CD1D: variants seen among roughly 807,000 people sequenced by gnomAD.
CD1D encodes antigen-presenting glycoprotein CD1d.
Under a neutral mutation model 42.1 loss-of-function variants are expected in CD1D, and 40 were observed. The ratio of observed to expected loss-of-function variants is 0.95; its 90% CI spans 0.74 to 1.24. The LOEUF (loss-of-function observed/expected upper bound fraction) is 1.24. Among genes scored for constraint, CD1D ranks in the 50% most tolerant of loss-of-function variants. The pLI is 0.00. For synonymous variants in CD1D, 178 were observed against 171.8 expected, an observed-to-expected ratio of 1.04 and a Z score of -0.28; for missense variants, 437 against 416.5, an observed-to-expected ratio of 1.05 and a Z score of -0.43.
chr1:158,180,982 G>C lies in CD1D; in HGVS notation c.-120G>C, dbSNP rs1648364988. On this transcript the variant is annotated 5_prime_UTR_variant, in exon 1 of 6. Transcript: ENST00000674085. The stretch of plus-strand genomic sequence containing the variant: ...CAGCGAGGAGGGCTGCCGGGGTCTG[G>C]GCTTGGGAATTGGCTGGCACCCAGC... The C allele has an allele frequency of 1.1e-6, 1 of 932,658 alleles. No individual in the cohort carries two copies. Among genetic ancestry groups the C allele is most frequent in the Non-Finnish European group, 1.5e-6 (1 of 654,088 alleles). 57.8% of individuals were successfully genotyped at this position (932,658 alleles called of 1,614,324 possible).
At position 158,186,409 on chromosome 1, in the gene CD1D, G is replaced by T. The variant is rs1010285959; in HGVS notation, c.*2259G>T. ...AATTTTAATTTATTTAGAAAATAAA[G>T]GCTTATCTCTCCAGGAAATTTTTTC... On this transcript the variant is annotated 3_prime_UTR_variant, in exon 6 of 6. Transcript: ENST00000674085. Among the ~76,000 whole-genome samples the T allele has an allele frequency of 6.6e-6, 1 of 152,124 alleles. No individual in the cohort carries two copies. The highest frequency in any genetic ancestry group is 2.4e-5 in the African/African-American group (1 of 41,412).
rs1263341717 is a variant in CD1D, at chr1:158,182,298, C to T, written c.595C>T (p.Leu199=). ...CCTCCTTGAGTCAGGGAAGTCGGAA[C>T]TGAAGAAGCAAGGTCAGCCTGCCTT... ...SGLLESGKSE[L]KKQVKPKAWL... Residue 199 remains leucine (L), a synonymous_variant, in exon 3 of 6, where the codon CTG becomes TTG. Coordinates refer to ENST00000674085, the MANE Select transcript of CD1D (RefSeq NM_001371762.2). 6.2e-7 allele frequency: 1 copy of T among 1,614,176 alleles called. No individual in the cohort carries two copies. Among genetic ancestry groups the T allele is most frequent in the East Asian group, 2.2e-5 (1 of 44,890 alleles).
intron 3 of CD1D, 67 bp downstream of exon 3, chr1:158,182,377 G>T (rs567062811): frequency 1.3e-6 from 2 of 1,562,050 alleles, no homozygotes; most frequent in Admixed American, 1.7e-5. Context: ...CCATTCCAGG[G>T]TTCTCATCCC....
rs1265748379 is a variant in CD1D at position 158,181,167 on chromosome 1, GTGGA to G, written c.61+6_61+9del. 1 of 1,550,026 alleles carries G rather than the reference GTGGA, an allele frequency of 6.5e-7. No homozygotes were observed. Among genetic ancestry groups the G allele is most frequent in the East Asian group, 2.4e-5 (1 of 40,958 alleles). On this transcript the variant is annotated splice_donor_region_variant and intron_variant, in intron 1 of 5. Coordinates refer to ENST00000674085, the MANE Select transcript of CD1D (RefSeq NM_001371762.2). ...AGGCTTGGGGAAGCGCTGAAGGTGG[GTGGA>G]ACGAGGGCGCTTGAGTGCACTCGCG...
chr1:158,181,278 C>G (rs1196678391), intron 1 of CD1D, 116 bp downstream of exon 1: 2 of 1,428,532 alleles, frequency 1.4e-6, no homozygotes. Context: ...CGCACTGGCG[C>G]GATCTAGGTA....
chr1:158,183,155 G>T lies in CD1D; in HGVS notation c.885G>T (p.Trp295Cys). The change falls in exon 4 of 6, where the codon TGG (tryptophan) becomes TGT (cysteine). Residue 295 changes from tryptophan (W) to cysteine (C), a missense_variant and splice_region_variant. Trp to Cys is a radical substitution (Grantham distance 215, BLOSUM62 -2). Coordinates refer to ENST00000674085, the MANE Select transcript of CD1D (RefSeq NM_001371762.2). ...SLEGQDIVLY[W>C]GGSYTSMGLI... Reference sequence around the variant, plus strand: ...AGGGCCAGGACATCGTCCTCTACTGGGGTGAGAAAAAGCTGGGCCCAAGCT... The same window carrying T: ...AGGGCCAGGACATCGTCCTCTACTGTGGTGAGAAAAAGCTGGGCCCAAGCT... 6.3e-7 allele frequency: 1 copy of T among 1,593,756 alleles called. No individual in the cohort carries two copies. Among genetic ancestry groups the T allele is most frequent in the South Asian group, 1.1e-5 (1 of 88,820 alleles).
rs1298885559 is a variant in CD1D at position 158,181,545 on chromosome 1, G to C, written c.152G>C (p.Gly51Ala). 1 of 1,614,176 alleles carries C rather than the reference G, an allele frequency of 6.2e-7. No individual in the cohort carries two copies. The highest frequency in any genetic ancestry group is 1.1e-5 in the South Asian group (1 of 91,086). Residue 51 changes from glycine (G) to alanine (A), a missense_variant, in exon 2 of 6, where the codon GGG becomes GCG. Transcript: ENST00000674085. ...CGCACCGACGGCTTGGCGTGGCTGG[G>C]GGAGCTGCAGACGCACAGCTGGAGC... ...WTRTDGLAWL[G>A]ELQTHSWSND...
At chr1:158,180,150 T>G (rs949776766), upstream of CD1D, 1 of 151,222 alleles carries the variant, frequency 6.6e-6, no homozygotes, top group African/African-American at 2.4e-5. Flanking sequence ...CAAAGAGGAG[T>G]CTTTTCCTCC....
chr1:158,181,833 T>C, intron 2 of CD1D, 112 bp downstream of exon 2: 3 of 1,425,024 alleles, frequency 2.1e-6, no homozygotes, highest in Admixed American at 1.9e-5. Flanking sequence ...CTGTCCACCC[T>C]CTTCTGATTT....
rs1353109488 is a variant in CD1D at position 158,185,737 on chromosome 1, C to T, written c.*1587C>T. On this transcript the variant is annotated 3_prime_UTR_variant, in exon 6 of 6. Coordinates refer to ENST00000674085, the MANE Select transcript of CD1D (RefSeq NM_001371762.2). Reference sequence around the variant, plus strand: ...TCAATGGTTCCCAAATTGTAGTAACCTGACCAACAGCCTCAGCAGGACCTG... The same window carrying T: ...TCAATGGTTCCCAAATTGTAGTAACTTGACCAACAGCCTCAGCAGGACCTG... Among the ~76,000 whole-genome samples, 3 of 152,260 alleles carry T rather than the reference C, an allele frequency of 2.0e-5. No homozygotes were observed. In the East Asian group the frequency reaches 5.8e-4, roughly 29 times the overall value.
chr1:158,178,422 T>C (rs1471222173), upstream of CD1D, among the ~76,000 whole-genome samples: 1 of 152,210 alleles, frequency 6.6e-6, no homozygotes. Flanking sequence ...AATTCTCATA[T>C]GCAGCTATCC....
At chr1:158,181,261 C>A in intron 1 of CD1D, 99 bp downstream of exon 1, 2 of 1,462,134 alleles carry the variant, frequency 1.4e-6, no homozygotes, top group Admixed American at 1.9e-5. Context: ...ACTGGTGAGA[C>A]CCGGGACGCA....
intron 3 of CD1D, 92 bp from the exon 4 acceptor site, chr1:158,182,785 AG>A (rs1648506359): frequency 7.1e-7 from 1 of 1,401,502 alleles, no homozygotes; most frequent in African/African-American, 1.4e-5. Flanking sequence ...AGGGAAATAA[AG>A]ACCTGAAAGT....
chr1:158,181,188 G>A, intron 1 of CD1D, 26 bp downstream of exon 1: 5 of 1,548,626 alleles, frequency 3.2e-6, no homozygotes, highest in Non-Finnish European at 4.4e-6. Flanking sequence ...GCGCTTGAGT[G>A]CACTCGCGGG....
Position 158,186,290 on chromosome 1 carries a change from T to G in CD1D, c.*2140T>G, listed in dbSNP as rs560953749. 6.6e-6 allele frequency among the ~76,000 whole-genome samples: 1 copy of G among 152,322 alleles called. No individual in the cohort carries two copies. Among genetic ancestry groups the G allele is most frequent in the East Asian group, 1.9e-4 (1 of 5,180 alleles). ...TTGTGAACCAACCCCACTGGCCTTCTGCATTCTGAGGGCACGTGTGTTAAA... is the reference window on the plus strand; with the variant it reads ...TTGTGAACCAACCCCACTGGCCTTCGGCATTCTGAGGGCACGTGTGTTAAA... On this transcript the variant is annotated 3_prime_UTR_variant, in exon 6 of 6. Coordinates refer to ENST00000674085, the MANE Select transcript of CD1D (RefSeq NM_001371762.2).
rs373808437 is a variant in CD1D, at chr1:158,181,590, G to T, written c.197G>T (p.Arg66Leu). 1 of 1,614,110 alleles carries T rather than the reference G, an allele frequency of 6.2e-7. No individual in the cohort carries two copies. Among genetic ancestry groups the T allele is most frequent in the South Asian group, 1.1e-5 (1 of 91,086 alleles). ...TGGAGCAACGACTCGGACACCGTCC[G>T]CTCTCTGAAGCCTTGGTCCCAGGGC... Reference protein sequence around the residue: ...HSWSNDSDTVRSLKPWSQGTF... With the variant: ...HSWSNDSDTVLSLKPWSQGTF... The change falls in exon 2 of 6, where the codon CGC becomes CTC. Residue 66 changes from arginine (R) to leucine (L), a missense_variant. Transcript: ENST00000674085.
intron 2 of CD1D, 89 bp from the exon 3 acceptor site, chr1:158,181,943 C>A: frequency 6.8e-7 from 1 of 1,474,526 alleles, no homozygotes; most frequent in Non-Finnish European, 9.1e-7. Context: ...AGTCTGGGTC[C>A]CCATTATAAC....
chr1:158,181,657 TC>T lies in CD1D; in HGVS notation c.265del (p.Arg89GlyfsTer11). 1.2e-6 allele frequency: 2 copies of T among 1,613,866 alleles called. No homozygotes were observed. The highest frequency in any genetic ancestry group is 1.7e-6 in the Non-Finnish European group (2 of 1,180,026). On this transcript the variant is annotated frameshift_variant, in exon 2 of 6. Coordinates refer to ENST00000674085, the MANE Select transcript of CD1D (RefSeq NM_001371762.2). LOFTEE classifies it high-confidence loss of function. ...QQWETLQHIF[R>X]VYRSSFTRDV... ...AGTGGGAGACGCTGCAGCATATATT[TC>T]GGGTTTATCGAAGCAGCTTCACCAG... is the stretch of plus-strand genomic sequence containing the variant.
chr1:158,181,255 G>C, intron 1 of CD1D, 93 bp downstream of exon 1: 11 of 1,474,462 alleles, frequency 7.5e-6, no homozygotes, highest in Non-Finnish European at 9.3e-6. Flanking sequence ...ATGGGGACTG[G>C]TGAGACCCGG....
Sources: allele counts gnomAD v4.1 joint callset (sites outside exome capture counted in the v4.1 genomes callset), GRCh38; gene constraint gnomAD v4.1.1; transcripts MANE v1.5; gene names NCBI Gene and HGNC (gene_info 2026-07-23, HGNC 2026-07-21).